The following ZFP69 variants were observed in gnomAD, a reference collection of about 807,000 sequenced individuals.
ZFP69 encodes ZFP69 zinc finger protein, also known as zinc finger protein 69 homolog.
In ZFP69, 35 loss-of-function variants were observed where a neutral mutation model predicts 48.9. That is an observed-to-expected ratio of 0.72 (90% CI 0.55 to 0.95). ZFP69 has a LOEUF of 0.95. ZFP69 is among the 40% of genes least tolerant of loss of function. The pLI is 0.00. For missense variants in ZFP69, 557 were observed against 638.4 expected, an observed-to-expected ratio of 0.87 and a Z score of 1.37; for synonymous variants, 193 against 216.8, an observed-to-expected ratio of 0.89 and a Z score of 0.96.
chr1:40,483,048 G>A (rs1265808231), intron 3 of ZFP69, among the ~76,000 whole-genome samples: 1 of 151,918 alleles, frequency 6.6e-6, no homozygotes, highest in African/African-American at 2.4e-5. Flanking sequence ...TAAAAATAGA[G>A]ATCTCATTTT....
At chr1:40,480,267 ATTTT>A (rs61577884) in intron 2 of ZFP69, among the ~76,000 whole-genome samples, 1 of 142,648 alleles carries the variant, frequency 7.0e-6, no homozygotes. Context: ...TCTGGTTGTG[ATTTT>A]TTTTTTTTTT....
At chr1:40,478,479 G>A (rs1376104002) in intron 1 of ZFP69, among the ~76,000 whole-genome samples, 3 of 152,152 alleles carry the variant, frequency 2.0e-5, no homozygotes, top group East Asian at 1.9e-4. Context: ...ATCTGCGTGG[G>A]TGGTGACGTG....
At chr1:40,490,819 T>G (rs1645560436) in intron 5 of ZFP69, 1 of 152,222 alleles carries the variant, frequency 6.6e-6, no homozygotes, top group African/African-American at 2.4e-5. Context: ...TACCAAAGGA[T>G]TCCTTCTCAA....
At chr1:40,481,295 T>C (rs1299273207) in intron 2 of ZFP69, among the ~76,000 whole-genome samples, 1 of 148,838 alleles carries the variant, frequency 6.7e-6, no homozygotes, top group Non-Finnish European at 1.5e-5. Context: ...GGTGGGTGGG[T>C]GTGTCCCAGG....
intron 5 of ZFP69, among the ~76,000 whole-genome samples, chr1:40,489,876 T>C (rs1645547352): frequency 9.5e-6 from 1 of 105,368 alleles, no homozygotes; most frequent in African/African-American, 3.2e-5. Flanking sequence ...CTTTTTTTTT[T>C]TTTTTTTTTT....
chr1:40,492,978 C>G (rs1175334164), intron 5 of ZFP69, among the ~76,000 whole-genome samples: 1 of 152,148 alleles, frequency 6.6e-6, no homozygotes. Flanking sequence ...ATAATCCCAG[C>G]ATTTTGGGAT....
chr1:40,488,240 T>G (rs1232485554), intron 3 of ZFP69, among the ~76,000 whole-genome samples: 1 of 152,150 alleles, frequency 6.6e-6, no homozygotes, highest in Non-Finnish European at 1.5e-5. Flanking sequence ...CTTTCGTCTC[T>G]CTGGTGGTTA....
intron 3 of ZFP69, among the ~76,000 whole-genome samples, chr1:40,488,158 GTTTTGTATGTATACACACACAC>G (rs1217619363): frequency 7.8e-6 from 1 of 128,340 alleles, no homozygotes; most frequent in Non-Finnish European, 1.6e-5. Context: ...ACATGTGTGT[GTTTTGTATGTATACACACACAC>G]ACACACACAT....
intron 2 of ZFP69, 93 bp from the exon 3 acceptor site, chr1:40,481,670 G>C (rs1009803714): frequency 9.5e-6 from 9 of 948,380 alleles, no homozygotes; most frequent in Admixed American, 2.2e-5. Context: ...GAACCTTTTT[G>C]GGGGAGGAGC....
intron 5 of ZFP69, chr1:40,490,836 G>A (rs186622336): frequency 6.6e-6 from 1 of 152,218 alleles, no homozygotes; most frequent in African/African-American, 2.4e-5. Context: ...TCAACCAAAT[G>A]TCGGGGTCCC....
intron 2 of ZFP69, 76 bp from the exon 3 acceptor site, chr1:40,481,687 G>T: frequency 8.5e-7 from 1 of 1,175,820 alleles, no homozygotes; most frequent in Non-Finnish European, 1.2e-6. Flanking sequence ...GAGCCACATT[G>T]AGTGGGTCTG....
chr1:40,485,723 A>G (rs1266412844), intron 3 of ZFP69, among the ~76,000 whole-genome samples: 1 of 151,978 alleles, frequency 6.6e-6, no homozygotes, highest in African/African-American at 2.4e-5. Context: ...TTATCTTCCT[A>G]TTTGAGGATC....
intron 5 of ZFP69, among the ~76,000 whole-genome samples, chr1:40,494,057 G>T (rs928256637): frequency 3.9e-5 from 6 of 152,050 alleles, no homozygotes; most frequent in African/African-American, 1.4e-4. Context: ...TAATGTTCTT[G>T]TGTGTATTCT....
chr1:40,489,261 G>A (rs1645538355), intron 4 of ZFP69, 47 bp downstream of exon 4: 1 of 1,595,056 alleles, frequency 6.3e-7, no homozygotes, highest in Non-Finnish European at 8.5e-7. Context: ...CATTACAGGA[G>A]AGTCATTATT....
chr1:40,481,745 G>A lies in ZFP69; in HGVS notation c.128-18G>A. The A allele has an allele frequency of 1.3e-6, 2 of 1,589,468 alleles. No individual in the cohort carries two copies. On this transcript the variant is annotated intron_variant, in intron 2 of 5. Coordinates refer to ENST00000372706, the MANE Select transcript of ZFP69 (RefSeq NM_001320179.2). ...GATTTGGGGAGATGCAAAGCTCATGGCTCTTTTCCTTCCCCAGCTCTGCTG... is the reference window on the plus strand; with the variant it reads ...GATTTGGGGAGATGCAAAGCTCATGACTCTTTTCCTTCCCCAGCTCTGCTG...
intron 5 of ZFP69, among the ~76,000 whole-genome samples, chr1:40,492,376 C>T (rs982111502): frequency 5.3e-5 from 8 of 152,134 alleles, no homozygotes; most frequent in African/African-American, 1.9e-4. Context: ...GCTGCTCTGT[C>T]ACCTGTCAAG....
At position 40,479,498 on chromosome 1, in the gene ZFP69, G is replaced by T. The variant is rs1645423624; in HGVS notation, c.127+10G>T. On this transcript the variant is annotated intron_variant, in intron 2 of 5. Coordinates refer to ENST00000372706, the MANE Select transcript of ZFP69 (RefSeq NM_001320179.2). ...ATGTTTGAAGGAGAAGGTGAGAATG[G>T]ACTGATGGAGGGGGAAGAAGGGGAT... 6 of 1,608,770 alleles carry T rather than the reference G, an allele frequency of 3.7e-6. No homozygotes were observed. The Admixed American group carries it at 6.7e-5, about 18-fold the overall frequency.
intron 5 of ZFP69, among the ~76,000 whole-genome samples, chr1:40,490,141 C>G (rs1359129989): frequency 1.3e-5 from 2 of 152,012 alleles, no homozygotes; most frequent in Non-Finnish European, 2.9e-5. Flanking sequence ...GCTGGGATTT[C>G]AGGTGTGAGC....
In ZFP69 at chr1:40,482,449, CA is replaced by C. The variant is rs148570910; in HGVS notation, c.219+596del. 5.9e-5 allele frequency among the ~76,000 whole-genome samples: 9 copies of C among 151,970 alleles called. No homozygotes were observed. In the East Asian group the frequency reaches 1.7e-3, roughly 29 times the overall value. On this transcript the variant is annotated intron_variant, in intron 3 of 5. Transcript: ENST00000372706. The stretch of plus-strand genomic sequence containing the variant: ...GATAGTCAGTACTGCCTATCGGAAA[CA>C]GAGATGAAATGGAAGGAAAATTGTA...
Sources: allele counts gnomAD v4.1 joint callset (sites outside exome capture counted in the v4.1 genomes callset), GRCh38; gene constraint gnomAD v4.1.1; transcripts MANE v1.5; gene names NCBI Gene and HGNC (gene_info 2026-07-23, HGNC 2026-07-21).